Variants in LLGL2 observed in about 807,000 individuals in gnomAD.
The protein encoded by LLGL2 is LLGL2, scribble cell polarity complex component.
LLGL2 carries 81 observed loss-of-function variants against 123.2 expected under a neutral mutation model. That is an observed-to-expected ratio of 0.66 (90% CI 0.55 to 0.79). The LOEUF is 0.79. Among genes scored for constraint, LLGL2 ranks in the 30% least tolerant of loss-of-function variants. The pLI is 0.00. For synonymous variants in LLGL2, 577 were observed against 594.1 expected, an observed-to-expected ratio of 0.97 and a Z score of 0.42; for missense variants, 1,273 against 1,414.6, an observed-to-expected ratio of 0.90 and a Z score of 1.61.
intron 14 of LLGL2, among the ~76,000 whole-genome samples, chr17:75,569,751 C>T (rs2055610395): frequency 1.3e-5 from 2 of 151,024 alleles, no homozygotes; most frequent in Admixed American, 1.3e-4. Context: ...TGCAGTGAGC[C>T]GAGATTGTGC....
chr17:75,549,000 C>T (rs185384274), intron 2 of LLGL2, among the ~76,000 whole-genome samples: 9 of 152,248 alleles, frequency 5.9e-5, no homozygotes, highest in Non-Finnish European at 4.4e-5. Flanking sequence ...GAGACTAAGG[C>T]CCCCAGGGCT....
In LLGL2 at chr17:75,556,113, C is replaced by T; in HGVS notation, c.143C>T (p.Ala48Val). 6.2e-7 allele frequency: 1 copy of T among 1,610,224 alleles called. No homozygotes were observed. Among genetic ancestry groups the T allele is most frequent in the Non-Finnish European group, 8.5e-7 (1 of 1,179,950 alleles). Residue 48 changes from alanine (A) to valine (V), a missense_variant, in exon 3 of 26, where the codon GCC becomes GTC. Ala to Val is a moderately conservative substitution (Grantham distance 64). Transcript: ENST00000392550. The stretch of plus-strand genomic sequence containing the variant: ...TACAGCCCGTCCCTGCGCATCCTGG[C>T]CATCGGCACCCGTTCTGGAGCCATC... ...LGYSPSLRIL[A>V]IGTRSGAIKL... is the part of the protein sequence containing the mutation.
chr17:75,569,395 G>A (rs2055592643), intron 14 of LLGL2, 70 bp downstream of exon 14: 2 of 1,250,850 alleles, frequency 1.6e-6, no homozygotes, highest in South Asian at 2.4e-5. Context: ...AGGGACAGGA[G>A]CCAACCACCT....
At chr17:75,570,530 C>A in intron 16 of LLGL2, 32 bp downstream of exon 16, 1 of 1,549,222 alleles carries the variant, frequency 6.5e-7, no homozygotes. Context: ...CGGCCGGCCA[C>A]GCACCCAGGT....
At chr17:75,569,913 C>T (rs2147535800) in intron 14 of LLGL2, 50 bp from the exon 15 acceptor site, 4 of 1,535,786 alleles carry the variant, frequency 2.6e-6, no homozygotes, top group Non-Finnish European at 3.5e-6. Context: ...TCCTGCGGCC[C>T]TGCCGTCCCT....
At position 75,574,978 on chromosome 17, in the gene LLGL2, C is replaced by A; in HGVS notation, c.*100C>A. On this transcript the variant is annotated 3_prime_UTR_variant, in exon 26 of 26. Coordinates refer to ENST00000392550, the MANE Select transcript of LLGL2 (RefSeq NM_001031803.2). Reference sequence around the variant, plus strand: ...GAGAGGCCGGTGCACAGGGCCCCGCCAGGGGCTGGGGGCATCCCGGCTTCC... The same window carrying A: ...GAGAGGCCGGTGCACAGGGCCCCGCAAGGGGCTGGGGGCATCCCGGCTTCC... 2 of 1,553,904 alleles carry A rather than the reference C, an allele frequency of 1.3e-6. No individual in the cohort carries two copies. The highest frequency in any genetic ancestry group is 1.1e-5 in the South Asian group (1 of 89,922).
At chr17:75,551,145 G>A (rs2054654276) in intron 2 of LLGL2, among the ~76,000 whole-genome samples, 1 of 152,178 alleles carries the variant, frequency 6.6e-6, no homozygotes, top group Non-Finnish European at 1.5e-5. Flanking sequence ...CGCTGTGAAG[G>A]TCACTGCCCT....
chr17:75,561,658 C>T (rs1266166213), intron 6 of LLGL2, among the ~76,000 whole-genome samples: 3 of 152,112 alleles, frequency 2.0e-5, no homozygotes, highest in East Asian at 1.9e-4. Flanking sequence ...CGGTGGCTCA[C>T]GCCTGTGATC....
chr17:75,528,337 G>C (rs981108617), intron 1 of LLGL2, among the ~76,000 whole-genome samples: 1 of 151,926 alleles, frequency 6.6e-6, no homozygotes, highest in Non-Finnish European at 1.5e-5. Flanking sequence ...AGATGGTCTC[G>C]ATCTCCTGAC....
rs1463763474 is a variant in LLGL2 at position 75,544,235 on chromosome 17, C to T, written c.75+734C>T. 6.6e-6 allele frequency among the ~76,000 whole-genome samples: 1 copy of T among 152,202 alleles called. No individual in the cohort carries two copies. Among genetic ancestry groups the T allele is most frequent in the Non-Finnish European group, 1.5e-5 (1 of 68,034 alleles). On this transcript the variant is annotated intron_variant, in intron 2 of 25. Coordinates refer to ENST00000392550, the MANE Select transcript of LLGL2 (RefSeq NM_001031803.2). The surrounding 1 kb of genome is among the most constrained non-coding windows in gnomAD (Gnocchi z 4.2). The stretch of plus-strand genomic sequence containing the variant: ...GCCTTGTGAGGTAATGATCTTCTCA[C>T]CTCTGCTTTGCGCCTCTGCTGGGAA...
Position 75,570,051 on chromosome 17 carries a change from G to C in LLGL2, c.1670G>C (p.Arg557Pro), listed in dbSNP as rs138912319. 9 of 1,612,586 alleles carry C rather than the reference G, an allele frequency of 5.6e-6. No individual in the cohort carries two copies. The African/African-American group carries it at 1.2e-4, about 22-fold the overall frequency. ...CTGCTGCAGGACCAAGAGGGCTACC[G>C]CTGGAAGGGGCACGAGCGCCTGGCA... ...ADLLQDQEGY[R>P]WKGHERLAAR... The change falls in exon 15 of 26, where the codon CGC becomes CCC. Residue 557 changes from arginine to proline, a missense_variant. Arg to Pro is a moderately radical substitution (Grantham distance 103). Coordinates refer to ENST00000392550, the MANE Select transcript of LLGL2 (RefSeq NM_001031803.2).
At chr17:75,556,890 G>A (rs2054936773) in intron 3 of LLGL2, among the ~76,000 whole-genome samples, 1 of 152,158 alleles carries the variant, frequency 6.6e-6, no homozygotes, top group Admixed American at 6.5e-5. Context: ...TTATCAGGGC[G>A]TGGTGGCACA....
intron 10 of LLGL2, 60 bp from the exon 11 acceptor site, chr17:75,568,416 T>C (rs1438991839): frequency 1.9e-6 from 3 of 1,561,442 alleles, no homozygotes; most frequent in Non-Finnish European, 1.7e-6. Flanking sequence ...AGCTTCTGAT[T>C]CCACAGAGCT....
chr17:75,527,167 C>CAAAAA (rs200100321), intron 1 of LLGL2, among the ~76,000 whole-genome samples: 1 of 129,808 alleles, frequency 7.7e-6, no homozygotes. Flanking sequence ...GACCCTGTCT[C>CAAAAA]AAAAAAAAAA....
intron 1 of LLGL2, among the ~76,000 whole-genome samples, chr17:75,541,275 C>T (rs1339063908): frequency 1.3e-5 from 2 of 152,242 alleles, no homozygotes; most frequent in Non-Finnish European, 2.9e-5. Context: ...GAGCCCCCAC[C>T]AAGCTTCCTC....
intron 10 of LLGL2, among the ~76,000 whole-genome samples, chr17:75,566,621 CAG>C (rs1396827184): frequency 6.6e-6 from 1 of 152,182 alleles, no homozygotes; most frequent in East Asian, 1.9e-4. Flanking sequence ...GCCATATTGA[CAG>C]GAATAGGCAG....
Position 75,569,322 on chromosome 17 carries a change from G to T in LLGL2, c.1578G>T (p.Gly526=). 1 of 1,612,040 alleles carries T rather than the reference G, an allele frequency of 6.2e-7. No homozygotes were observed. Among genetic ancestry groups the T allele is most frequent in the Non-Finnish European group, 8.5e-7 (1 of 1,179,028 alleles). Residue 526 remains glycine, a synonymous_variant, in exon 14 of 26, where the codon GGG becomes GGT. Coordinates refer to ENST00000392550, the MANE Select transcript of LLGL2 (RefSeq NM_001031803.2). ...ACCTGGCTGTGGCAGGCACGGCAGG[G>T]CAGGTAGCAGGCTGGGCTGGGGAGG... ...SGYLAVAGTA[G]QVLVLELNDE...
rs556401189 is a variant in LLGL2 at position 75,558,336 on chromosome 17, T to C, written c.255+100T>C. 3.1e-6 allele frequency: 4 copies of C among 1,295,100 alleles called. No individual in the cohort carries two copies. Among genetic ancestry groups the C allele is most frequent in the Admixed American group, 3.9e-5 (2 of 51,732 alleles). 80.2% of individuals were successfully genotyped at this position (1,295,100 alleles called of 1,614,324 possible). On this transcript the variant is annotated intron_variant, in intron 4 of 25. Transcript: ENST00000392550. The surrounding 1 kb of genome is among the most constrained non-coding windows in gnomAD (Gnocchi z 4.0). Reference sequence around the variant, plus strand: ...TGGAGAGGCTGGCATTCGGTGGCCCTGGGTTTGCTGCTGATGGAAAGACCT... The same window carrying C: ...TGGAGAGGCTGGCATTCGGTGGCCCCGGGTTTGCTGCTGATGGAAAGACCT...
rs201752938 is a variant in LLGL2, at chr17:75,570,091, C to T, written c.1710C>T (p.Pro570=). The part of the protein sequence containing the change: ...GHERLAARSG[P]VRFEPGFQPF... ...AGCGCCTGGCAGCCCGCTCAGGGCC[C>T]GTGCGCTTTGAGCCTGGCTTTCAGC... Residue 570 remains proline, a synonymous_variant, in exon 15 of 26, where the codon CCC becomes CCT. Coordinates refer to ENST00000392550, the MANE Select transcript of LLGL2 (RefSeq NM_001031803.2). The T allele has an allele frequency of 3.7e-6, 6 of 1,610,444 alleles. No individual in the cohort carries two copies. The highest frequency in any genetic ancestry group is 3.3e-5 in the South Asian group (3 of 90,694).
Sources: gnomAD v4.1 joint callset for allele counts (sites outside exome capture counted in the v4.1 genomes callset) on GRCh38, gnomAD v4.1.1 for gene constraint, Gnocchi (gnomAD v3.1) non-coding constraint, MANE v1.5 for transcripts, NCBI Gene and HGNC (gene_info 2026-07-23, HGNC 2026-07-21) for gene names.